The following CNTN5 variants were observed in gnomAD, a reference collection of about 807,000 sequenced individuals.
The protein encoded by CNTN5 is contactin-5.
A neutral mutation model predicts 129.1 loss-of-function variants in CNTN5; 77 were observed. The ratio of observed to expected loss-of-function variants is 0.60; its 90% CI spans 0.50 to 0.72. CNTN5 has a LOEUF of 0.72. Among genes scored for constraint, CNTN5 ranks in the 30% least tolerant of loss-of-function variants. The pLI is 0.00. For synonymous variants in CNTN5, 509 were observed against 465.6 expected, an observed-to-expected ratio of 1.09 and a Z score of -1.20; for missense variants, 1,478 against 1,328.8, an observed-to-expected ratio of 1.11 and a Z score of -1.75.
intron 7 of CNTN5, among the ~76,000 whole-genome samples, chr11:99,942,669 C>T (rs1444390767): frequency 6.6e-6 from 1 of 152,018 alleles, no homozygotes; most frequent in East Asian, 1.9e-4. Flanking sequence ...AATGCTCTCC[C>T]TTCCCTTCTC....
chr11:100,050,636 TA>T (rs569259073), intron 9 of CNTN5, among the ~76,000 whole-genome samples: 62 of 149,046 alleles, frequency 4.2e-4, no homozygotes, highest in East Asian at 1.8e-3. Flanking sequence ...AATAATAAAA[TA>T]AAAAAAAGAA....
chr11:100,028,076 G>GA lies in CNTN5; in HGVS notation c.980+25948dup, dbSNP rs374941387. On this transcript the variant is annotated intron_variant, in intron 9 of 24. Coordinates refer to ENST00000524871, the MANE Select transcript of CNTN5 (RefSeq NM_014361.4). ...CTGTCCTTATTTGAATAAATTATGGGAAAAAAAACAGCAACTGAAAGGTAA... is the reference window on the plus strand; with the variant it reads ...CTGTCCTTATTTGAATAAATTATGGGAAAAAAAAACAGCAACTGAAAGGTAA... Among the ~76,000 whole-genome samples the GA allele has an allele frequency of 9.6e-3, 1,450 of 151,300 alleles. 5 individuals are homozygous for GA. The highest frequency in any genetic ancestry group is 0.012 in the Non-Finnish European group (844 of 67,820).
chr11:99,956,479 T>A (rs1198089294), intron 7 of CNTN5, among the ~76,000 whole-genome samples: 1 of 152,168 alleles, frequency 6.6e-6, no homozygotes, highest in African/African-American at 2.4e-5. Flanking sequence ...TTCATTAAAT[T>A]GATCTTTGAG....
At chr11:100,343,412 T>C (rs1952208680) in intron 23 of CNTN5, among the ~76,000 whole-genome samples, 1 of 146,418 alleles carries the variant, frequency 6.8e-6, no homozygotes, top group Non-Finnish European at 1.5e-5. Context: ...ATCGGAACCT[T>C]TCTGATGAGT....
At chr11:99,816,783 C>T (rs888426093) in intron 3 of CNTN5, among the ~76,000 whole-genome samples, 5 of 152,160 alleles carry the variant, frequency 3.3e-5, no homozygotes, top group African/African-American at 1.2e-4. Flanking sequence ...ACCTTGTTTA[C>T]TTATTCAGCC....
At chr11:99,736,262 T>TG (rs1179925446) in intron 3 of CNTN5, among the ~76,000 whole-genome samples, 1 of 151,934 alleles carries the variant, frequency 6.6e-6, no homozygotes, top group Non-Finnish European at 1.5e-5. Flanking sequence ...GTAAGCAGGG[T>TG]GGGGTTAGCT....
At chr11:100,166,024 C>T (rs1214050928) in intron 13 of CNTN5, among the ~76,000 whole-genome samples, 1 of 151,554 alleles carries the variant, frequency 6.6e-6, no homozygotes, top group Non-Finnish European at 1.5e-5. Flanking sequence ...TTCTCTGTTC[C>T]AGTTTACCTT....
intron 3 of CNTN5, among the ~76,000 whole-genome samples, chr11:99,781,288 A>T (rs1206647460): frequency 2.0e-5 from 3 of 152,114 alleles, no homozygotes; most frequent in Non-Finnish European, 4.4e-5. Flanking sequence ...GGTATTGCTC[A>T]ACTCAACAGT....
At chr11:99,591,554 G>T (rs146864983) in intron 3 of CNTN5, among the ~76,000 whole-genome samples, 1,735 of 151,956 alleles carry the variant, frequency 0.011, 29 homozygotes, top group African/African-American at 0.04. Context: ...TAGTCAGGAT[G>T]GTCTCCATCT....
At chr11:99,367,907 A>G (rs1417532910) in intron 2 of CNTN5, among the ~76,000 whole-genome samples, 1 of 152,188 alleles carries the variant, frequency 6.6e-6, no homozygotes, top group African/African-American at 2.4e-5. Context: ...CTTAGATAAC[A>G]AATAATGGAC....
intron 17 of CNTN5, among the ~76,000 whole-genome samples, chr11:100,270,194 T>C (rs763238279): frequency 2.3e-4 from 35 of 152,232 alleles, no homozygotes; most frequent in Non-Finnish European, 4.8e-4. Flanking sequence ...GAGCTACTTA[T>C]TTGGTAACAT....
chr11:99,786,204 A>G (rs938034498), intron 3 of CNTN5, among the ~76,000 whole-genome samples: 3 of 152,084 alleles, frequency 2.0e-5, no homozygotes, highest in Non-Finnish European at 4.4e-5. Flanking sequence ...ATTCCTATAC[A>G]CCAATAATAG....
intron 6 of CNTN5, among the ~76,000 whole-genome samples, chr11:99,891,181 TGA>T (rs1949049026): frequency 6.6e-6 from 1 of 152,190 alleles, no homozygotes; most frequent in Admixed American, 6.5e-5. Flanking sequence ...TTGATTATTG[TGA>T]CAAGTCTGCC....
intron 6 of CNTN5, among the ~76,000 whole-genome samples, chr11:99,894,362 A>G (rs1269311679): frequency 1.3e-5 from 2 of 152,010 alleles, no homozygotes; most frequent in African/African-American, 4.8e-5. Context: ...TGTGATGTGA[A>G]TAGTTCTGGA....
At chr11:99,024,078 T>C (rs1361706864) in intron 1 of CNTN5, among the ~76,000 whole-genome samples, 1 of 152,158 alleles carries the variant, frequency 6.6e-6, no homozygotes, top group African/African-American at 2.4e-5. Context: ...TTTCTGAGCA[T>C]TTGTGATCAA....
chr11:99,894,844 C>T (rs1281878365), intron 6 of CNTN5, among the ~76,000 whole-genome samples: 1 of 152,084 alleles, frequency 6.6e-6, no homozygotes, highest in African/African-American at 2.4e-5. Flanking sequence ...CTAAATTTTA[C>T]CTTATGAAGA....
chr11:100,119,171 T>C (rs1945936017), intron 13 of CNTN5, among the ~76,000 whole-genome samples: 1 of 151,896 alleles, frequency 6.6e-6, no homozygotes, highest in Non-Finnish European at 1.5e-5. Flanking sequence ...TAAACTTTTA[T>C]TTGGCTTGGT....
rs75260602 is a variant in CNTN5 at position 99,162,418 on chromosome 11, G to A, written c.-210+141148G>A. ...TGAGACCATGAGGCAATAAACCTAAGCATGAAATTAAGCATGTCACTGACG... is the reference window on the plus strand; with the variant it reads ...TGAGACCATGAGGCAATAAACCTAAACATGAAATTAAGCATGTCACTGACG... On this transcript the variant is annotated intron_variant, in intron 1 of 24. Transcript: ENST00000524871. 7.9e-3 allele frequency among the ~76,000 whole-genome samples: 1,195 copies of A among 152,190 alleles called. 21 individuals are homozygous for A. The highest frequency in any genetic ancestry group is 0.026 in the African/African-American group (1,082 of 41,526).
At chr11:99,844,726 G>T in intron 4 of CNTN5, 126 bp from the exon 5 acceptor site, 1 of 806,192 alleles carries the variant, frequency 1.2e-6, no homozygotes, top group Non-Finnish European at 1.9e-6. Flanking sequence ...CCTTCTTTTG[G>T]GAATTTACCT....
Sources: gnomAD v4.1 joint callset for allele counts (sites outside exome capture counted in the v4.1 genomes callset) on GRCh38, gnomAD v4.1.1 for gene constraint, MANE v1.5 for transcripts, NCBI Gene and HGNC (gene_info 2026-07-23, HGNC 2026-07-21) for gene names.